The following DNAH8 variants were observed in gnomAD, a reference collection of about 807,000 sequenced individuals.
The protein encoded by DNAH8 is dynein axonemal heavy chain 8.
Under a neutral mutation model 562.1 loss-of-function variants are expected in DNAH8, and 382 were observed. That is an observed-to-expected ratio of 0.68 (90% confidence interval 0.63 to 0.74). The LOEUF is 0.74. Ranked by LOEUF, DNAH8 falls within the 30% of genes least tolerant of loss-of-function variation. The pLI, the probability that DNAH8 is intolerant of heterozygous loss-of-function variation, is 0.00. For synonymous variants in DNAH8, 1,881 were observed against 1,919.4 expected, an observed-to-expected ratio of 0.98 and a Z score of 0.52; for missense variants, 5,203 against 5,620.4, an observed-to-expected ratio of 0.93 and a Z score of 2.37.
intron 69 of DNAH8, 47 bp downstream of exon 69, chr6:38,917,453 C>T (rs756104646): frequency 6.5e-7 from 1 of 1,532,414 alleles, no homozygotes; most frequent in Non-Finnish European, 9.0e-7. Flanking sequence ...CATCAGGCGT[C>T]CTCAGCCCAG....
intron 31 of DNAH8, among the ~76,000 whole-genome samples, chr6:38,833,653 C>G (rs1210590739): frequency 6.6e-6 from 1 of 152,160 alleles, no homozygotes; most frequent in Non-Finnish European, 1.5e-5. Context: ...CCAAAGAAGA[C>G]AACTTTATAA....
intron 85 of DNAH8, among the ~76,000 whole-genome samples, chr6:38,980,989 G>A (rs1763995697): frequency 6.6e-6 from 1 of 151,360 alleles, no homozygotes; most frequent in African/African-American, 2.4e-5. Flanking sequence ...TCATGGAACA[G>A]CTGCAGCAAG....
intron 7 of DNAH8, among the ~76,000 whole-genome samples, chr6:38,738,673 G>C (rs903021176): frequency 1.3e-5 from 2 of 152,156 alleles, no homozygotes; most frequent in African/African-American, 4.8e-5. Context: ...AAAAAATCTT[G>C]ACCAGGCAGG....
intron 11 of DNAH8, among the ~76,000 whole-genome samples, chr6:38,767,024 A>C (rs939707486): frequency 6.6e-6 from 1 of 152,190 alleles, no homozygotes; most frequent in Non-Finnish European, 1.5e-5. Context: ...AAAATTTACT[A>C]TTTTAACCAT....
At chr6:38,798,205 T>C (rs1583033456) in intron 21 of DNAH8, among the ~76,000 whole-genome samples, 1 of 152,148 alleles carries the variant, frequency 6.6e-6, no homozygotes, top group South Asian at 2.1e-4. Context: ...GAGAATATTA[T>C]GGAATTAGAT....
At chr6:39,005,952 TG>T (rs1218168725) in intron 88 of DNAH8, among the ~76,000 whole-genome samples, 2 of 152,290 alleles carry the variant, frequency 1.3e-5, no homozygotes, top group Non-Finnish European at 2.9e-5. Flanking sequence ...TTGCCATTAC[TG>T]GCTTTGCAAA....
At chr6:38,910,683 AT>A (rs1780823360) in intron 65 of DNAH8, among the ~76,000 whole-genome samples, 1 of 152,108 alleles carries the variant, frequency 6.6e-6, no homozygotes, top group Non-Finnish European at 1.5e-5. Context: ...ATTTTTCAAA[AT>A]TTTTTATATG....
chr6:38,990,024 G>A lies in DNAH8; in HGVS notation c.13066G>A (p.Glu4356Lys). The change falls in exon 88 of 93, where the codon GAG (glutamate) becomes AAG (lysine). Residue 4356 changes from glutamate (E) to lysine (K), a missense_variant. By Grantham distance (56) the Glu-to-Lys change is moderately conservative. Transcript: ENST00000327475. ...LNCFARVWFS[E>K]KMFEPSFCFY... The stretch of plus-strand genomic sequence containing the variant: ...CTCTCACATACAGGTCTGGTTCAGT[G>A]AGAAGATGTTTGAACCGTCATTCTG... 6.3e-7 allele frequency: 1 copy of A among 1,594,540 alleles called. No homozygotes were observed. Among genetic ancestry groups the A allele is most frequent in the East Asian group, 2.2e-5 (1 of 44,718 alleles).
chr6:38,814,126 T>A lies in DNAH8; in HGVS notation c.3330T>A (p.Asn1110Lys), dbSNP rs746205065. 2 of 1,481,954 alleles carry A rather than the reference T, an allele frequency of 1.3e-6. No individual in the cohort carries two copies. Among genetic ancestry groups the A allele is most frequent in the Non-Finnish European group, 9.4e-7 (1 of 1,061,350 alleles). The allele number at this position is 1,481,954 out of a possible 1,614,324, so 91.8% of individuals were successfully genotyped here. Residue 1110 changes from asparagine (N) to lysine (K), a missense_variant, in exon 25 of 93, where the codon AAT (asparagine) becomes AAA (lysine). Asn to Lys is a moderately conservative substitution (Grantham distance 94). This residue lies in a region of DNAH8 where 2,176 missense variants were observed against 2,365.1 expected (regional missense o/e 0.92). Transcript: ENST00000327475. ...IKSEVHLAIP[N>K]VVMIPSLDDI... Reference sequence around the variant, plus strand: ...GTGAAGTACATCTTGCAATTCCTAATGTGGTAAGTATTATTAAATACACTG... The same window carrying A: ...GTGAAGTACATCTTGCAATTCCTAAAGTGGTAAGTATTATTAAATACACTG...
At position 38,741,739 on chromosome 6, in the gene DNAH8, A is replaced by C. The variant is rs1764535962; in HGVS notation, c.1145A>C (p.Lys382Thr). The part of the protein sequence containing the change: ...QVLIESEQMR[K>T]EAGDSGPLTE... Reference sequence around the variant, plus strand: ...CTTATTGAGAGTGAGCAGATGAGAAAAGAAGCTGGTGATTCAGGTCCACTC... The same window carrying C: ...CTTATTGAGAGTGAGCAGATGAGAACAGAAGCTGGTGATTCAGGTCCACTC... Residue 382 changes from lysine to threonine, a missense_variant, in exon 8 of 93, where the codon AAA becomes ACA. By Grantham distance (78) the Lys-to-Thr change is moderately conservative (BLOSUM62 -1). This residue lies in a region of DNAH8 where 556 missense variants were observed against 496.9 expected (regional missense o/e 1.12). Transcript: ENST00000327475. 6.2e-6 allele frequency: 10 copies of C among 1,613,572 alleles called. No individual in the cohort carries two copies. The East Asian group carries it at 2.0e-4, about 32-fold the overall frequency.
At chr6:38,856,398 G>A (rs969105480) in intron 41 of DNAH8, among the ~76,000 whole-genome samples, 2 of 152,148 alleles carry the variant, frequency 1.3e-5, no homozygotes, top group African/African-American at 4.8e-5. Flanking sequence ...GATAATGATT[G>A]TAAAGACTTG....
chr6:38,941,758 G>C (rs1010853123), intron 79 of DNAH8, among the ~76,000 whole-genome samples: 2 of 152,148 alleles, frequency 1.3e-5, no homozygotes, highest in East Asian at 1.9e-4. Context: ...GCTGAGCAGG[G>C]GGGTAGGGGG....
At position 38,842,758 on chromosome 6, in the gene DNAH8, A is replaced by C. The variant is rs1774924293; in HGVS notation, c.4700A>C (p.Glu1567Ala). ...TTCAGTGAGTCATGTCCTCTACTGG[A>C]AATGATGACCAATAAGGCCATGAAA... The part of the protein sequence containing the change: ...DDFSESCPLL[E>A]MMTNKAMKQR... The change falls in exon 35 of 93, where the codon GAA becomes GCA. Residue 1567 changes from glutamate (E) to alanine (A), a missense_variant. Around this residue, in one of 6 missense-constraint regions of DNAH8, gnomAD observed 2,176 missense variants for 2,365.1 expected, o/e 0.92. Transcript: ENST00000327475. The C allele has an allele frequency of 6.2e-7, 1 of 1,613,984 alleles. No homozygotes were observed. Among genetic ancestry groups the C allele is most frequent in the Non-Finnish European group, 8.5e-7 (1 of 1,179,918 alleles).
intron 7 of DNAH8, among the ~76,000 whole-genome samples, chr6:38,738,255 T>C (rs1363149395): frequency 6.6e-6 from 1 of 152,170 alleles, no homozygotes; most frequent in African/African-American, 2.4e-5. Context: ...TTATCCCCAA[T>C]AATGTTTAAA....
chr6:38,942,450 C>T (rs1783539132), intron 79 of DNAH8, among the ~76,000 whole-genome samples: 1 of 152,038 alleles, frequency 6.6e-6, no homozygotes, highest in South Asian at 2.1e-4. Context: ...CTCTTCCTTG[C>T]CTCCTGAGGG....
chr6:38,849,269 A>G (rs1562984657), intron 37 of DNAH8, among the ~76,000 whole-genome samples: 1 of 152,188 alleles, frequency 6.6e-6, no homozygotes. Flanking sequence ...TGAGAATAAT[A>G]TTAAAATTAA....
intron 11 of DNAH8, among the ~76,000 whole-genome samples, chr6:38,764,923 C>T (rs2127613653): frequency 6.6e-6 from 1 of 152,264 alleles, no homozygotes; most frequent in South Asian, 2.1e-4. Context: ...CAACCTCTGC[C>T]TCCCAGGTTC....
chr6:38,747,384 C>CTTTTTTTTTTTTTTTTTT (rs55729629), intron 8 of DNAH8, among the ~76,000 whole-genome samples: 2 of 113,776 alleles, frequency 1.8e-5, no homozygotes, highest in African/African-American at 3.6e-5. Flanking sequence ...TTTTCTTTTT[C>CTTTTTTTTTTTTTTTTTT]TTTTTTTTTT....
At chr6:38,810,816 T>C (rs1043616163) in intron 24 of DNAH8, among the ~76,000 whole-genome samples, 1 of 152,196 alleles carries the variant, frequency 6.6e-6, no homozygotes, top group African/African-American at 2.4e-5. Flanking sequence ...TGTAGTTTTT[T>C]GTATCCCATT....
Sources: allele counts gnomAD v4.1 joint callset (sites outside exome capture counted in the v4.1 genomes callset), GRCh38; gene constraint gnomAD v4.1.1; regional missense constraint gnomAD v4.1.1; transcripts MANE v1.5; gene names NCBI Gene and HGNC (gene_info 2026-07-23, HGNC 2026-07-21).